SLC44A5: variants seen among roughly 807,000 people sequenced by gnomAD.
SLC44A5 encodes the protein solute carrier family 44 member 5.
A neutral mutation model predicts 101.8 loss-of-function variants in SLC44A5; 57 were observed. That is an observed-to-expected ratio of 0.56 (90% CI 0.45 to 0.70). The LOEUF is 0.70. Ranked by LOEUF, SLC44A5 falls within the 30% of genes least tolerant of loss-of-function variation. The pLI, the probability that SLC44A5 is intolerant of heterozygous loss-of-function variation, is 0.00. For synonymous variants in SLC44A5, 281 were observed against 290.9 expected, an observed-to-expected ratio of 0.97 and a Z score of 0.35; for missense variants, 737 against 853.1, an observed-to-expected ratio of 0.86 and a Z score of 1.70.
chr1:75,298,473 GA>G (rs1473601236), intron 5 of SLC44A5, among the ~76,000 whole-genome samples: 1 of 152,032 alleles, frequency 6.6e-6, no homozygotes, highest in East Asian at 1.9e-4. Flanking sequence ...GGGGTTCTGG[GA>G]AAAAAAGGCA....
At chr1:75,317,495 G>A (rs1655784719) in intron 4 of SLC44A5, among the ~76,000 whole-genome samples, 1 of 152,156 alleles carries the variant, frequency 6.6e-6, no homozygotes, top group Non-Finnish European at 1.5e-5. Flanking sequence ...GTGGTTTCAT[G>A]AAATCCCTTT....
At chr1:75,483,380 A>C (rs1667977785) in intron 2 of SLC44A5, among the ~76,000 whole-genome samples, 1 of 152,246 alleles carries the variant, frequency 6.6e-6, no homozygotes, top group Admixed American at 6.5e-5. Flanking sequence ...TAAAGCCACA[A>C]ATAGTCTCAT....
the SLC44A5 span, among the ~76,000 whole-genome samples, chr1:75,656,927 T>A: frequency 2.0e-5 from 3 of 152,156 alleles, no homozygotes; most frequent in Admixed American, 1.3e-4. Flanking sequence ...GGCAGGCAGA[T>A]CACCTGAGAT....
At chr1:75,506,615 GATT>G (rs993166796) in intron 2 of SLC44A5, among the ~76,000 whole-genome samples, 1 of 152,034 alleles carries the variant, frequency 6.6e-6, no homozygotes, top group Non-Finnish European at 1.5e-5. Context: ...TTGTAAATGG[GATT>G]ATATTCTTGG....
At chr1:75,216,050 C>T (rs901046248) in intron 18 of SLC44A5, among the ~76,000 whole-genome samples, 193 bp from the exon 19 acceptor site, 2 of 151,946 alleles carry the variant, frequency 1.3e-5, no homozygotes, top group African/African-American at 4.8e-5. Context: ...TAATGTTGTA[C>T]AACCATCACT....
At chr1:75,552,578 G>A (rs769667949) in intron 1 of SLC44A5, among the ~76,000 whole-genome samples, 12 of 150,616 alleles carry the variant, frequency 8.0e-5, no homozygotes, top group African/African-American at 1.5e-4. Context: ...TGTATCTATC[G>A]ATTGATCAAA....
At chr1:75,369,632 T>G (rs1393558431) in intron 3 of SLC44A5, among the ~76,000 whole-genome samples, 1 of 152,184 alleles carries the variant, frequency 6.6e-6, no homozygotes, top group African/African-American at 2.4e-5. Context: ...TGATTCTTAT[T>G]TTCATAGCAA....
At chr1:75,517,309 GA>G (rs957244147) in intron 2 of SLC44A5, among the ~76,000 whole-genome samples, 14 of 152,120 alleles carry the variant, frequency 9.2e-5, no homozygotes, top group African/African-American at 3.4e-4. Flanking sequence ...CACACAGTGA[GA>G]GGGAGGGAGA....
At chr1:75,505,524 T>C (rs573245581) in intron 2 of SLC44A5, among the ~76,000 whole-genome samples, 1 of 152,282 alleles carries the variant, frequency 6.6e-6, no homozygotes, top group Middle Eastern at 3.4e-3. Context: ...TCTGTTATTT[T>C]TGGTCTTTTC....
intron 5 of SLC44A5, among the ~76,000 whole-genome samples, chr1:75,282,889 G>C (rs1652722189): frequency 6.6e-6 from 1 of 152,076 alleles, no homozygotes; most frequent in African/African-American, 2.4e-5. Flanking sequence ...CCCAGTCTTG[G>C]GTATGTTTTT....
At chr1:75,287,590 G>A (rs1240372104) in intron 5 of SLC44A5, among the ~76,000 whole-genome samples, 1 of 151,994 alleles carries the variant, frequency 6.6e-6, no homozygotes, top group Non-Finnish European at 1.5e-5. Flanking sequence ...TCAGGGGGAA[G>A]ATCTGGGGCT....
intron 4 of SLC44A5, among the ~76,000 whole-genome samples, chr1:75,328,789 T>C (rs1656802712): frequency 1.3e-5 from 2 of 152,212 alleles, no homozygotes; most frequent in Admixed American, 1.3e-4. Context: ...GTGTCTTCCA[T>C]CCTAGTCTCT....
At chr1:75,341,880 T>C (rs988128743) in intron 3 of SLC44A5, among the ~76,000 whole-genome samples, 1 of 152,322 alleles carries the variant, frequency 6.6e-6, no homozygotes, top group Non-Finnish European at 1.5e-5. Flanking sequence ...CAATCCCCCA[T>C]ATCAAATATT....
At chr1:75,670,111 G>A in the SLC44A5 span, among the ~76,000 whole-genome samples, 1 of 152,010 alleles carries the variant, frequency 6.6e-6, no homozygotes, top group Non-Finnish European at 1.5e-5. Flanking sequence ...AAAAAGAGAA[G>A]ATAAAGAGAT....
chr1:75,471,162 G>A (rs952606667), intron 2 of SLC44A5, among the ~76,000 whole-genome samples: 1 of 151,918 alleles, frequency 6.6e-6, no homozygotes, highest in Non-Finnish European at 1.5e-5. Flanking sequence ...GCCTGGCTGT[G>A]TTTCTTTGGA....
chr1:75,412,240 G>A (rs932699757), intron 2 of SLC44A5, among the ~76,000 whole-genome samples: 1 of 152,026 alleles, frequency 6.6e-6, no homozygotes, highest in Non-Finnish European at 1.5e-5. Context: ...ACAGTGCCAG[G>A]CACATCTAAG....
At chr1:75,403,665 G>C (rs549997674) in intron 2 of SLC44A5, among the ~76,000 whole-genome samples, 1 of 152,220 alleles carries the variant, frequency 6.6e-6, no homozygotes, top group African/African-American at 2.4e-5. Context: ...TCAACAAAAA[G>C]GATGCCCACA....
chr1:75,638,372 TATA>T, the SLC44A5 span, among the ~76,000 whole-genome samples: 3 of 152,088 alleles, frequency 2.0e-5, no homozygotes, highest in Non-Finnish European at 1.5e-5. Flanking sequence ...TATTTATTCT[TATA>T]ATAACAAACA....
chr1:75,224,259 C>T (rs1459127680), intron 13 of SLC44A5, among the ~76,000 whole-genome samples: 4 of 152,122 alleles, frequency 2.6e-5, no homozygotes, highest in African/African-American at 9.7e-5. Flanking sequence ...ACAGCACATA[C>T]AAGTAGGTAT....
Sources: allele counts gnomAD v4.1 joint callset (sites outside exome capture counted in the v4.1 genomes callset), GRCh38; gene constraint gnomAD v4.1.1; transcripts MANE v1.5; gene names NCBI Gene and HGNC (gene_info 2026-07-23, HGNC 2026-07-21).